The following TTLL11 variants were observed in gnomAD, a reference collection of about 807,000 sequenced individuals.
The protein encoded by TTLL11 is tubulin polyglutamylase TTLL11.
TTLL11 carries 42 observed loss-of-function variants against 51.7 expected under a neutral mutation model. The ratio of observed to expected loss-of-function variants is 0.81; its 90% CI spans 0.64 to 1.05. TTLL11 has a LOEUF of 1.05. Ranked by LOEUF, TTLL11 falls within the 50% of genes least tolerant of loss-of-function variation. The pLI, the probability that TTLL11 is intolerant of heterozygous loss-of-function variation, is 0.00. For missense variants in TTLL11, 799 were observed against 940.4 expected (o/e 0.85, Z 1.97); for synonymous variants, 381 against 383.5 (o/e 0.99, Z 0.08).
At chr9:121,872,661 T>C (rs904729169) in intron 6 of TTLL11, among the ~76,000 whole-genome samples, 36 of 152,336 alleles carry the variant, frequency 2.4e-4, no homozygotes, top group African/African-American at 7.7e-4. Context: ...AACTCCCTTG[T>C]GTGAATAAAA....
chr9:121,996,513 C>T (rs957065603), intron 3 of TTLL11, among the ~76,000 whole-genome samples: 23 of 152,152 alleles, frequency 1.5e-4, no homozygotes, highest in African/African-American at 3.6e-4. Context: ...CATGCGAGCA[C>T]ATGCACACAC....
At chr9:121,998,431 C>G (rs1843353862) in intron 3 of TTLL11, among the ~76,000 whole-genome samples, 1 of 152,004 alleles carries the variant, frequency 6.6e-6, no homozygotes, top group Non-Finnish European at 1.5e-5. Context: ...GGATTACAGG[C>G]ACCCGCCACC....
chr9:122,053,564 G>A (rs963623172), intron 1 of TTLL11, among the ~76,000 whole-genome samples: 4 of 152,104 alleles, frequency 2.6e-5, no homozygotes, highest in African/African-American at 4.8e-5. Context: ...GGGCAGAATG[G>A]AGAGTGGATG....
chr9:121,824,011 C>T (rs1836667156), intron 8 of TTLL11, among the ~76,000 whole-genome samples: 2 of 152,208 alleles, frequency 1.3e-5, no homozygotes, highest in Admixed American at 6.5e-5. Flanking sequence ...TCTGTGTGGT[C>T]TCCATCCTCC....
chr9:122,072,864 A>T (rs1181046989), intron 1 of TTLL11, among the ~76,000 whole-genome samples: 1 of 152,128 alleles, frequency 6.6e-6, no homozygotes, highest in Non-Finnish European at 1.5e-5. Flanking sequence ...TACACCGGAT[A>T]GTAATAAGCA....
intron 4 of TTLL11, among the ~76,000 whole-genome samples, chr9:121,978,312 C>T (rs1842759227): frequency 6.6e-6 from 1 of 152,110 alleles, no homozygotes; most frequent in African/African-American, 2.4e-5. Flanking sequence ...TCCCAGCTGG[C>T]AGAAAATCAG....
chr9:122,091,763 T>C lies in TTLL11; in HGVS notation c.462+924A>G, dbSNP rs559780477. On this transcript the variant is annotated intron_variant, in intron 1 of 8. Coordinates refer to ENST00000321582, the MANE Select transcript of TTLL11 (RefSeq NM_001139442.2). ...AACTCCTGACACTCCTGAAAGCACA[T>C]TAAATACCTTATATGCTGCAAATAA... Among the ~76,000 whole-genome samples, 9 of 152,300 alleles carry C rather than the reference T, an allele frequency of 5.9e-5. No homozygotes were observed. In the East Asian group the frequency reaches 1.5e-3, roughly 26 times the overall value.
intron 4 of TTLL11, among the ~76,000 whole-genome samples, chr9:121,983,268 T>C (rs563239136): frequency 6.6e-6 from 1 of 151,654 alleles, no homozygotes; most frequent in African/African-American, 2.4e-5. Flanking sequence ...CGATAGAGAG[T>C]AGGTTTGGGA....
chr9:121,958,915 T>G (rs898829508), intron 6 of TTLL11, among the ~76,000 whole-genome samples: 1 of 152,084 alleles, frequency 6.6e-6, no homozygotes, highest in African/African-American at 2.4e-5. Context: ...AGGGAAACCC[T>G]CACTGCCTGC....
chr9:122,072,321 C>T (rs1292594212), intron 1 of TTLL11, among the ~76,000 whole-genome samples: 2 of 152,176 alleles, frequency 1.3e-5, no homozygotes, highest in Non-Finnish European at 2.9e-5. Context: ...TCACTCTCCT[C>T]CCACATCCTG....
intron 3 of TTLL11, among the ~76,000 whole-genome samples, chr9:122,020,623 C>G (rs1223764118): frequency 6.6e-6 from 1 of 152,224 alleles, no homozygotes; most frequent in Non-Finnish European, 1.5e-5. Context: ...GTTCCCACCC[C>G]ACCTCTGCAT....
At chr9:122,055,800 G>A (rs1439674071) in intron 1 of TTLL11, among the ~76,000 whole-genome samples, 1 of 152,164 alleles carries the variant, frequency 6.6e-6, no homozygotes, top group African/African-American at 2.4e-5. Context: ...AGCAACCAAG[G>A]CTCGGAAAGG....
At chr9:121,857,196 C>A (rs532584065) in intron 8 of TTLL11, among the ~76,000 whole-genome samples, 1 of 152,320 alleles carries the variant, frequency 6.6e-6, no homozygotes, top group African/African-American at 2.4e-5. Flanking sequence ...GGAGGTTGGA[C>A]AGGCACCCTC....
intron 6 of TTLL11, among the ~76,000 whole-genome samples, chr9:121,899,293 C>G (rs1839657291): frequency 6.6e-6 from 1 of 151,654 alleles, no homozygotes. Flanking sequence ...TTATGCACTT[C>G]TCTGCTTTAT....
chr9:121,899,366 T>TGTGTGTATATATATAC (rs1491307393), intron 6 of TTLL11, among the ~76,000 whole-genome samples: 1 of 66,200 alleles, frequency 1.5e-5, no homozygotes, highest in Non-Finnish European at 3.1e-5. Context: ...TGTGTGTGTG[T>TGTGTGTATATATATAC]ATATATATAT....
chr9:122,058,652 A>C lies in TTLL11; in HGVS notation c.463-19284T>G, dbSNP rs569075002. Among the ~76,000 whole-genome samples the C allele has an allele frequency of 5.3e-4, 81 of 152,256 alleles. 1 individual carries two copies. The highest frequency in any genetic ancestry group is 4.3e-3 in the Admixed American group (66 of 15,296). On this transcript the variant is annotated intron_variant, in intron 1 of 8. Coordinates refer to ENST00000321582, the MANE Select transcript of TTLL11 (RefSeq NM_001139442.2). ...CTAGCGCGTATGGCCATCTTTATCA[A>C]ATTTTGGAGCCTCCTTTTGTTTCTG...
chr9:121,863,392 C>T (rs1320604372), intron 7 of TTLL11, among the ~76,000 whole-genome samples: 1 of 152,200 alleles, frequency 6.6e-6, no homozygotes, highest in Admixed American at 6.5e-5. Context: ...TTCCACAAGT[C>T]AGGAGCGCTG....
At chr9:122,011,314 T>A (rs770029992) in intron 3 of TTLL11, among the ~76,000 whole-genome samples, 4 of 152,142 alleles carry the variant, frequency 2.6e-5, no homozygotes, top group Non-Finnish European at 5.9e-5. Context: ...GAAAACAGAC[T>A]AATATAGCCT....
chr9:121,826,184 C>CCATATATATATATATATATATATATA (rs1491277758), intron 8 of TTLL11, among the ~76,000 whole-genome samples: 2 of 51,134 alleles, frequency 3.9e-5, no homozygotes, highest in Admixed American at 3.5e-4. Context: ...AACCAGTAAC[C>CCATATATATATATATATATATATATA]TATATATATA....
Sources: allele counts gnomAD v4.1 joint callset (sites outside exome capture counted in the v4.1 genomes callset), GRCh38; gene constraint gnomAD v4.1.1; transcripts MANE v1.5; gene names NCBI Gene and HGNC (gene_info 2026-07-23, HGNC 2026-07-21).